C12orf42: variants seen among roughly 807,000 people sequenced by gnomAD.
C12orf42 encodes uncharacterized protein C12orf42.
In C12orf42, 25 loss-of-function variants were observed where a neutral mutation model predicts 21.6. That is an observed-to-expected ratio of 1.16 (90% CI 0.84 to 1.62). The LOEUF (loss-of-function observed/expected upper bound fraction) is 1.62. Among genes scored for constraint, C12orf42 ranks in the 40% most tolerant of loss-of-function variants. The probability of loss-of-function intolerance (pLI) is 0.00; values close to 1 mark genes in which losing one functional copy is unlikely to be tolerated. For synonymous variants in C12orf42, 174 were observed against 175.0 expected (o/e 0.99, Z 0.05); for missense variants, 483 against 459.3 (o/e 1.05, Z -0.47).
chr12:103,337,818 T>C (rs568420418), intron 4 of C12orf42, among the ~76,000 whole-genome samples: 35 of 152,296 alleles, frequency 2.3e-4, no homozygotes, highest in Non-Finnish European at 4.6e-4. Flanking sequence ...AGCCATCCAG[T>C]ATGAACCCCT....
At chr12:103,487,099 T>C (rs1351610814) in intron 1 of C12orf42, among the ~76,000 whole-genome samples, 1 of 152,256 alleles carries the variant, frequency 6.6e-6, no homozygotes, top group East Asian at 1.9e-4. Flanking sequence ...TTTAGTGCTA[T>C]AAATTTCCCT....
chr12:103,138,588 G>A, the C12orf42 span, among the ~76,000 whole-genome samples: 5 of 152,150 alleles, frequency 3.3e-5, no homozygotes, highest in Non-Finnish European at 7.4e-5. Context: ...ACAGCAGTGT[G>A]AGAATGCACT....
At chr12:103,451,451 G>A (rs768096937) in intron 2 of C12orf42, among the ~76,000 whole-genome samples, 4 of 151,972 alleles carry the variant, frequency 2.6e-5, no homozygotes, top group East Asian at 1.9e-4. Context: ...TGGGTTCAAG[G>A]GATCCTAGCA....
chr12:103,223,079 T>C, the C12orf42 span, among the ~76,000 whole-genome samples: 1 of 152,126 alleles, frequency 6.6e-6, no homozygotes, highest in Non-Finnish European at 1.5e-5. Flanking sequence ...AAATAATTAC[T>C]CTTCCTCAAC....
chr12:103,394,116 T>A (rs1451508720), intron 3 of C12orf42, among the ~76,000 whole-genome samples: 1 of 152,230 alleles, frequency 6.6e-6, no homozygotes, highest in Non-Finnish European at 1.5e-5. Flanking sequence ...TGCTCATACT[T>A]AAATGCCCAA....
At chr12:103,263,317 AAAG>A (rs1197385349) in intron 10 of C12orf42, 5 of 152,212 alleles carry the variant, frequency 3.3e-5, no homozygotes, top group Middle Eastern at 6.8e-3. Context: ...TAAAAATAAA[AAAG>A]AATACCTTCT....
chr12:103,130,299 A>C, the C12orf42 span, among the ~76,000 whole-genome samples: 2 of 151,146 alleles, frequency 1.3e-5, no homozygotes, highest in African/African-American at 4.9e-5. Flanking sequence ...TGAAGTAGAG[A>C]TACTAAGCCA....
the C12orf42 span, chr12:103,504,924 G>A: frequency 5.9e-4 from 99 of 167,516 alleles, no homozygotes; most frequent in African/African-American, 1.6e-3. Flanking sequence ...ACAAATTCAC[G>A]GCTGGCAAGT....
At chr12:103,173,936 A>G in the C12orf42 span, among the ~76,000 whole-genome samples, 1 of 152,168 alleles carries the variant, frequency 6.6e-6, no homozygotes, top group African/African-American at 2.4e-5. Flanking sequence ...TCTTATCTGC[A>G]TTCCTAAACA....
At chr12:103,311,158 G>C (rs532480231) in intron 4 of C12orf42, among the ~76,000 whole-genome samples, 54 of 152,214 alleles carry the variant, frequency 3.5e-4, no homozygotes, top group African/African-American at 1.2e-3. Flanking sequence ...AAGCAACTGT[G>C]TATTTGCAAT....
intron 2 of C12orf42, among the ~76,000 whole-genome samples, chr12:103,419,335 C>T (rs756643386): frequency 2.4e-4 from 36 of 152,078 alleles, no homozygotes; most frequent in African/African-American, 8.2e-4. Context: ...AGCCAAGATA[C>T]GTTTTATACT....
the C12orf42 span, among the ~76,000 whole-genome samples, chr12:103,162,534 TG>T: frequency 2.2e-4 from 33 of 152,028 alleles, no homozygotes; most frequent in East Asian, 6.0e-3. Context: ...TGTGTGTGTG[TG>T]TGTGCAGGAG....
At chr12:103,516,589 G>A in the C12orf42 span, among the ~76,000 whole-genome samples, 1 of 152,062 alleles carries the variant, frequency 6.6e-6, no homozygotes, top group Non-Finnish European at 1.5e-5. Context: ...GAAGAGCAGG[G>A]GAAACTACCA....
upstream of C12orf42, among the ~76,000 whole-genome samples, chr12:103,497,667 C>T (rs988349535): frequency 1.3e-5 from 2 of 152,150 alleles, no homozygotes; most frequent in Non-Finnish European, 2.9e-5. Context: ...GTACCTATCA[C>T]GTGTCAGGCA....
intron 2 of C12orf42, among the ~76,000 whole-genome samples, chr12:103,434,698 T>TA (rs776474278): frequency 8.5e-4 from 129 of 152,276 alleles, no homozygotes; most frequent in Non-Finnish European, 1.6e-3. Context: ...CGGACCGGCT[T>TA]AAAAAACACC....
At chr12:103,223,027 T>C in the C12orf42 span, among the ~76,000 whole-genome samples, 1 of 152,100 alleles carries the variant, frequency 6.6e-6, no homozygotes, top group East Asian at 1.9e-4. Flanking sequence ...TCTTTATTCA[T>C]TCATTCACAT....
the C12orf42 span, among the ~76,000 whole-genome samples, chr12:103,059,443 T>C: frequency 6.6e-6 from 1 of 151,838 alleles, no homozygotes; most frequent in Non-Finnish European, 1.5e-5. Context: ...TTCCAAATAA[T>C]AAAAAAAGAG....
intron 4 of C12orf42, among the ~76,000 whole-genome samples, chr12:103,336,988 C>A (rs940699874): frequency 6.6e-6 from 1 of 152,278 alleles, no homozygotes; most frequent in South Asian, 2.1e-4. Context: ...GAAGGCTGGG[C>A]TGGGGTGAAG....
At chr12:103,216,623 C>T in the C12orf42 span, among the ~76,000 whole-genome samples, 1 of 152,108 alleles carries the variant, frequency 6.6e-6, no homozygotes, top group South Asian at 2.1e-4. Context: ...CGTGATCCAC[C>T]CGCCTCGGCC....
Sources: allele counts gnomAD v4.1 joint callset (sites outside exome capture counted in the v4.1 genomes callset), GRCh38; gene constraint gnomAD v4.1.1; transcripts MANE v1.5; gene names NCBI Gene and HGNC (gene_info 2026-07-23, HGNC 2026-07-21).